PCDH9: variants seen among roughly 807,000 people sequenced by gnomAD.
PCDH9 encodes the protein protocadherin 9, also known as protocadherin-9.
A neutral mutation model predicts 70.6 loss-of-function variants in PCDH9; 24 were observed. The ratio of observed to expected loss-of-function variants is 0.34; its 90% CI spans 0.25 to 0.48. The LOEUF is 0.48. Among genes scored for constraint, PCDH9 ranks in the 20% least tolerant of loss-of-function variants. The probability of loss-of-function intolerance (pLI) is 0.99; values close to 1 mark genes in which losing one functional copy is unlikely to be tolerated. For synonymous variants in PCDH9, 562 were observed against 558.5 expected, an observed-to-expected ratio of 1.01 and a Z score of -0.09; for missense variants, 1,281 against 1,503.6, an observed-to-expected ratio of 0.85 and a Z score of 2.45.
chr13:67,035,875 G>T (rs1038135715), intron 2 of PCDH9, among the ~76,000 whole-genome samples: 2 of 152,030 alleles, frequency 1.3e-5, no homozygotes, highest in African/African-American at 4.8e-5. Context: ...ATTTGTCCTT[G>T]GTTGATCTTC....
At chr13:67,027,212 CAG>C (rs1448027937) in intron 2 of PCDH9, among the ~76,000 whole-genome samples, 2 of 152,048 alleles carry the variant, frequency 1.3e-5, no homozygotes, top group East Asian at 3.9e-4. Context: ...GGTACCAAAA[CAG>C]AGATATAGAT....
chr13:67,142,024 G>A (rs1431285160), intron 2 of PCDH9, among the ~76,000 whole-genome samples: 1 of 151,988 alleles, frequency 6.6e-6, no homozygotes, highest in Admixed American at 6.6e-5. Context: ...TATTGGGTTA[G>A]AAAATACTGT....
intron 3 of PCDH9, among the ~76,000 whole-genome samples, chr13:66,826,908 A>G (rs1456757441): frequency 1.3e-5 from 2 of 152,200 alleles, no homozygotes; most frequent in Non-Finnish European, 2.9e-5. Context: ...AGGATGTGCT[A>G]AATTAAATAA....
At chr13:67,079,435 G>A (rs1198860825) in intron 2 of PCDH9, among the ~76,000 whole-genome samples, 1 of 151,956 alleles carries the variant, frequency 6.6e-6, no homozygotes, top group Non-Finnish European at 1.5e-5. Flanking sequence ...CTGGTTAGTG[G>A]TCATGACCAC....
At chr13:66,397,621 A>G (rs1957125165) in intron 4 of PCDH9, among the ~76,000 whole-genome samples, 3 of 151,552 alleles carry the variant, frequency 2.0e-5, no homozygotes, top group Admixed American at 2.0e-4. Flanking sequence ...GTGTATATAT[A>G]CATATTTTGT....
chr13:67,001,272 A>G (rs2084239488), intron 2 of PCDH9, among the ~76,000 whole-genome samples: 1 of 152,234 alleles, frequency 6.6e-6, no homozygotes, highest in African/African-American at 2.4e-5. Flanking sequence ...ATTAGTATTT[A>G]ATGTAAAACA....
intron 3 of PCDH9, among the ~76,000 whole-genome samples, chr13:66,722,997 A>G (rs1225028975): frequency 6.6e-6 from 1 of 151,898 alleles, no homozygotes; most frequent in Non-Finnish European, 1.5e-5. Flanking sequence ...GTGATGATAA[A>G]CAATGAAAAG....
intron 2 of PCDH9, among the ~76,000 whole-genome samples, chr13:66,907,134 C>T (rs1225339220): frequency 6.6e-6 from 1 of 151,950 alleles, no homozygotes; most frequent in Non-Finnish European, 1.5e-5. Context: ...AGCTCGAGAG[C>T]TGGAGGTTGC....
intron 2 of PCDH9, among the ~76,000 whole-genome samples, chr13:67,031,650 T>C (rs1214283968): frequency 1.3e-5 from 2 of 152,154 alleles, no homozygotes; most frequent in African/African-American, 4.8e-5. Context: ...GCCACTGCAC[T>C]CCAGGCCTGG....
chr13:66,458,590 A>T (rs2138446434), intron 4 of PCDH9, among the ~76,000 whole-genome samples: 1 of 152,050 alleles, frequency 6.6e-6, no homozygotes, highest in East Asian at 1.9e-4. Flanking sequence ...AGTTATCCAT[A>T]CCTACTTTAA....
chr13:66,558,025 T>C (rs919795613), intron 4 of PCDH9, among the ~76,000 whole-genome samples: 40 of 152,164 alleles, frequency 2.6e-4, no homozygotes, highest in African/African-American at 9.6e-4. Context: ...CGTAGGGGTG[T>C]GTGCTTGTAG....
chr13:66,718,036 G>C (rs1412999340), intron 3 of PCDH9, among the ~76,000 whole-genome samples: 1 of 152,014 alleles, frequency 6.6e-6, no homozygotes, highest in Non-Finnish European at 1.5e-5. Flanking sequence ...GTTGAAAAAG[G>C]GTACATTGAT....
chr13:66,466,179 T>C (rs1460172846), intron 4 of PCDH9, among the ~76,000 whole-genome samples: 2 of 151,940 alleles, frequency 1.3e-5, no homozygotes, highest in South Asian at 2.1e-4. Context: ...TCTCTATTTT[T>C]CTATCCCTCC....
chr13:66,500,309 A>G (rs1475423880), intron 4 of PCDH9, among the ~76,000 whole-genome samples: 6 of 152,192 alleles, frequency 3.9e-5, no homozygotes, highest in Admixed American at 1.3e-4. Flanking sequence ...TTAGTATGCA[A>G]AGAGCTATCT....
rs118035818 is a variant in PCDH9 at position 66,549,225 on chromosome 13, T to A, written c.3340+81985A>T. Among the ~76,000 whole-genome samples the A allele has an allele frequency of 8.0e-4, 122 of 152,258 alleles. 1 individual carries two copies. The East Asian group carries it at 0.023, about 28-fold the overall frequency. ...GAAATGTATATAAACCGTATGTATA[T>A]GTTAGCATGGCAGCATTTTCGGTTA... is the stretch of plus-strand genomic sequence containing the variant. On this transcript the variant is annotated intron_variant, in intron 4 of 4. Coordinates refer to ENST00000377865, the MANE Select transcript of PCDH9 (RefSeq NM_203487.3).
At position 66,445,640 on chromosome 13, in the gene PCDH9, A is replaced by G. The variant is rs562036026; in HGVS notation, c.3341-140612T>C. ...ATATACACATATATATTATATACAC[A>G]TATATATTATATATACAGATATATA... On this transcript the variant is annotated intron_variant, in intron 4 of 4. Coordinates refer to ENST00000377865, the MANE Select transcript of PCDH9 (RefSeq NM_203487.3). Among the ~76,000 whole-genome samples the G allele has an allele frequency of 2.4e-4, 35 of 143,712 alleles. 1 individual carries two copies. In the South Asian group the frequency reaches 2.8e-3, roughly 11 times the overall value. 94.3% of individuals were successfully genotyped at this position (143,712 alleles called of 152,430 possible). A position where few individuals can be genotyped will look rare whatever the true frequency, so the allele number is the denominator to read the frequency against.
intron 4 of PCDH9, among the ~76,000 whole-genome samples, chr13:66,451,173 T>C (rs7322583): frequency 6.6e-6 from 1 of 152,142 alleles, no homozygotes; most frequent in Admixed American, 6.5e-5. Flanking sequence ...AAATATATTT[T>C]AAAAATTCAC....
Position 67,227,329 on chromosome 13 carries a change from A to G in PCDH9, c.1112T>C (p.Val371Ala). ...GACAGGATCTTTCTCAGATAAATAC[A>G]CGGTGCCATTGATGGGACTTATAAT... ...RYIISPINGT[V>A]YLSEKDPVNT... The change falls in exon 2 of 5, where the codon GTG (valine) becomes GCG (alanine). Residue 371 changes from valine to alanine, a missense_variant. Physicochemically the swap from Val to Ala is moderately conservative, Grantham distance 64. Coordinates refer to ENST00000377865, the MANE Select transcript of PCDH9 (RefSeq NM_203487.3). The surrounding 1 kb of genome is among the most constrained non-coding windows in gnomAD (Gnocchi z 4.6). The G allele has an allele frequency of 1.2e-6, 2 of 1,613,978 alleles. No individual in the cohort carries two copies. Among genetic ancestry groups the G allele is most frequent in the East Asian group, 2.2e-5 (1 of 44,878 alleles).
intron 4 of PCDH9, among the ~76,000 whole-genome samples, chr13:66,419,548 T>TG (rs1957524882): frequency 6.6e-6 from 1 of 151,428 alleles, no homozygotes; most frequent in Admixed American, 6.6e-5. Context: ...CAGAAACACA[T>TG]GGGTAGAGGA....
Sources: allele counts gnomAD v4.1 joint callset (sites outside exome capture counted in the v4.1 genomes callset), GRCh38; gene constraint gnomAD v4.1.1; non-coding constraint Gnocchi (gnomAD v3.1); transcripts MANE v1.5; gene names NCBI Gene and HGNC (gene_info 2026-07-23, HGNC 2026-07-21).